BMX: variants seen among roughly 807,000 people sequenced by gnomAD.
BMX encodes the protein cytoplasmic tyrosine-protein kinase BMX.
A neutral mutation model predicts 59.2 loss-of-function variants in BMX; 31 were observed. The observed-to-expected ratio is 0.52, with a 90% confidence interval of 0.39 to 0.71. The LOEUF (loss-of-function observed/expected upper bound fraction) is 0.71. Ranked by LOEUF, BMX falls within the 30% of genes least tolerant of loss-of-function variation. The probability of loss-of-function intolerance (pLI) is 0.00; values close to 1 mark genes in which losing one functional copy is unlikely to be tolerated. For synonymous variants in BMX, 185 were observed against 181.0 expected, an observed-to-expected ratio of 1.02 and a Z score of -0.18; for missense variants, 474 against 491.7, an observed-to-expected ratio of 0.96 and a Z score of 0.34.
intron 13 of BMX, among the ~76,000 whole-genome samples, chrX:15,536,893 T>C (rs747080146): frequency 8.9e-6 from 1 of 111,752 alleles, no homozygotes; most frequent in South Asian, 3.7e-4. Flanking sequence ...TTGTTTTTAC[T>C]CTGAGCCTTC....
At chrX:15,519,310 A>G (rs7881315) in intron 6 of BMX, among the ~76,000 whole-genome samples, 10,500 of 112,039 alleles carry the variant, frequency 0.094, 1,166 homozygotes, top group African/African-American at 0.32. Context: ...CATAATTTTC[A>G]TGAATCAACA....
At chrX:15,514,230 A>C (rs1366587853) in intron 4 of BMX, among the ~76,000 whole-genome samples, 1 of 112,176 alleles carries the variant, frequency 8.9e-6, no homozygotes, top group Non-Finnish European at 1.9e-5. Context: ...TACGTTTTAT[A>C]ATTTTAACTC....
At chrX:15,531,519 A>C in intron 11 of BMX, 112 bp downstream of exon 11, 1 of 661,697 alleles carries the variant, frequency 1.5e-6, no homozygotes, top group Non-Finnish European at 2.3e-6. Context: ...GGAATTTTAA[A>C]TCAAAGTATT....
Position 15,556,102 on chromosome X carries a change from A to G in BMX, c.1983A>G (p.Gln661=). The G allele has an allele frequency of 8.3e-7, 1 of 1,205,135 alleles. No individual in the cohort carries two copies. The highest frequency in any genetic ancestry group is 1.7e-5 in the African/African-American group (1 of 57,482). Residue 661 remains glutamine (Q), a synonymous_variant, in exon 19 of 19, where the codon CAA becomes CAG. Transcript: ENST00000348343. The stretch of plus-strand genomic sequence containing the variant: ...CAGAAAAGCGTCCCACATTTCAGCA[A>G]CTCCTGTCTTCCATTGAACCACTTC... ...ELPEKRPTFQ[Q]LLSSIEPLRE...
intron 4 of BMX, 134 bp from the exon 5 acceptor site, chrX:15,515,978 G>A (rs368369994): frequency 1.8e-5 from 15 of 853,462 alleles, no homozygotes; most frequent in East Asian, 1.3e-4. Context: ...ATATCCTTCC[G>A]GAACCATTTG....
At chrX:15,551,543 A>ATT (rs200682960) in intron 18 of BMX, among the ~76,000 whole-genome samples, 11 of 98,921 alleles carry the variant, frequency 1.1e-4, no homozygotes, top group African/African-American at 2.9e-4. Flanking sequence ...ATATATATAT[A>ATT]TTTTTTTTTT....
At position 15,542,937 on chromosome X, in the gene BMX, A is replaced by G. The variant is rs775707110; in HGVS notation, c.1612-134A>G. 1.9e-4 allele frequency: 104 copies of G among 548,343 alleles called. No individual in the cohort carries two copies. The African/African-American group carries it at 2.2e-3, about 12-fold the overall frequency. The allele number at this position is 548,343 out of a possible 1,213,427, so 45.2% of individuals were successfully genotyped here. ...AAATTGAAAATTGCAAAGGAAAAAA[A>G]AGACAACTTTAGAGCACTTGGGGGT... On this transcript the variant is annotated intron_variant, in intron 15 of 18. Transcript: ENST00000348343.
intron 9 of BMX, among the ~76,000 whole-genome samples, chrX:15,527,797 G>T (rs905315054): frequency 2.7e-5 from 3 of 111,710 alleles, no homozygotes; most frequent in Non-Finnish European, 5.6e-5. Flanking sequence ...TTGTGGCATG[G>T]TCTCTTTATC....
At position 15,545,707 on chromosome X, in the gene BMX, C is replaced by T. The variant is rs540507896; in HGVS notation, c.1677-1096C>T. The stretch of plus-strand genomic sequence containing the variant: ...GACTGCCGTTCCCTGGCACCAGCTG[C>T]GACCAATTATTATTTTAGAGAGACG... On this transcript the variant is annotated intron_variant, in intron 16 of 18. Transcript: ENST00000348343. Among the ~76,000 whole-genome samples the T allele has an allele frequency of 3.1e-4, 35 of 111,386 alleles. No individual in the cohort carries two copies. In the South Asian group the frequency reaches 0.013, roughly 42 times the overall value.
Position 15,549,863 on chromosome X carries a change from A to G in BMX, c.1819A>G (p.Ser607Gly), listed in dbSNP as rs1191799164. 3 of 1,208,445 alleles carry G rather than the reference A, an allele frequency of 2.5e-6. No individual in the cohort carries two copies. In the East Asian group the frequency reaches 8.9e-5, roughly 36 times the overall value. ...AGGGATCCTGATGTGGGAGGTGTTCAGCCTGGGGAAGCAGCCCTATGACTT... is the reference window on the plus strand; with the variant it reads ...AGGGATCCTGATGTGGGAGGTGTTCGGCCTGGGGAAGCAGCCCTATGACTT... ...AFGILMWEVFSLGKQPYDLYD... is the reference protein window; with the variant it reads ...AFGILMWEVFGLGKQPYDLYD... Residue 607 changes from serine (S) to glycine (G), a missense_variant, in exon 18 of 19, where the codon AGC (serine) becomes GGC (glycine). Coordinates refer to ENST00000348343, the MANE Select transcript of BMX (RefSeq NM_203281.3).
intron 4 of BMX, among the ~76,000 whole-genome samples, chrX:15,512,977 G>C (rs931248498): frequency 9.0e-6 from 1 of 111,688 alleles, no homozygotes; most frequent in African/African-American, 3.3e-5. Context: ...AGAGAAAGAA[G>C]CAAAAACACA....
intron 5 of BMX, among the ~76,000 whole-genome samples, chrX:15,516,816 C>T (rs1052703972): frequency 5.4e-5 from 6 of 111,432 alleles, no homozygotes; most frequent in Non-Finnish European, 1.1e-4. Context: ...AGAGAAGGGG[C>T]TGCTTTACGT....
chrX:15,553,258 T>C (rs1926278998), intron 18 of BMX, among the ~76,000 whole-genome samples: 1 of 112,185 alleles, frequency 8.9e-6, no homozygotes, highest in Admixed American at 9.4e-5. Context: ...CAACGAGTGC[T>C]CTCACAAAAC....
chrX:15,511,656 C>T (rs1005963145), intron 4 of BMX, 138 bp downstream of exon 4: 4 of 499,994 alleles, frequency 8.0e-6, no homozygotes, highest in East Asian at 3.8e-5. Flanking sequence ...ATTTTCCTAC[C>T]AACCTCAGGG....
Position 15,511,525 on chromosome X carries a change from C to CA in BMX, c.325+14dup, listed in dbSNP as rs759857171. 2.1e-5 allele frequency: 25 copies of CA among 1,182,232 alleles called. No individual in the cohort carries two copies. In the South Asian group the frequency reaches 4.5e-4, roughly 21 times the overall value. On this transcript the variant is annotated splice_region_variant and intron_variant, in intron 4 of 18. Coordinates refer to ENST00000348343, the MANE Select transcript of BMX (RefSeq NM_203281.3). ...TTGAAAGCATTACAAAAAGGTAATT[C>CA]AAAAAAAGAAATGTTGAAAGAGAAA...
At chrX:15,517,288 T>G (rs1374469559) in intron 5 of BMX, among the ~76,000 whole-genome samples, 2 of 112,221 alleles carry the variant, frequency 1.8e-5, no homozygotes, top group Non-Finnish European at 1.9e-5. Context: ...TGCACATGGG[T>G]CTTCGCTCCA....
intron 1 of BMX, chrX:15,507,301 A>G: frequency 2.7e-6 from 2 of 747,591 alleles, no homozygotes; most frequent in Non-Finnish European, 3.2e-6. Flanking sequence ...ACCCTGGCAT[A>G]GCCAGAGGGA....
chrX:15,546,468 G>A (rs1307053027), intron 16 of BMX, among the ~76,000 whole-genome samples: 1 of 111,811 alleles, frequency 8.9e-6, no homozygotes, highest in African/African-American at 3.3e-5. Context: ...ATATATGTGG[G>A]AAATAAGATC....
At chrX:15,516,378 T>G in intron 5 of BMX, 147 bp downstream of exon 5, 1 of 732,850 alleles carries the variant, frequency 1.4e-6, no homozygotes. Context: ...AGATGCTATG[T>G]GACAAATGAA....
Sources: allele counts gnomAD v4.1 joint callset (sites outside exome capture counted in the v4.1 genomes callset), GRCh38; gene constraint gnomAD v4.1.1; transcripts MANE v1.5; gene names NCBI Gene and HGNC (gene_info 2026-07-23, HGNC 2026-07-21).